LIMK2: variants seen among roughly 807,000 people sequenced by gnomAD.
LIMK2 encodes the protein LIM domain kinase 2.
Under a neutral mutation model 75.7 loss-of-function variants are expected in LIMK2, and 35 were observed. That is an observed-to-expected ratio of 0.46 (90% CI 0.35 to 0.61). The LOEUF (loss-of-function observed/expected upper bound fraction) is 0.61. Ranked by LOEUF, LIMK2 falls within the 20% of genes least tolerant of loss-of-function variation. The pLI, the probability that LIMK2 is intolerant of heterozygous loss-of-function variation, is 0.00. For missense variants in LIMK2, 623 were observed against 831.0 expected (o/e 0.75, Z 3.08); for synonymous variants, 301 against 319.2 (o/e 0.94, Z 0.61).
chr22:31,276,794 C>G (rs751005826), intron 15 of LIMK2: 3 of 1,608,734 alleles, frequency 1.9e-6, no homozygotes, highest in Admixed American at 1.7e-5. Context: ...TTCAGAGCCC[C>G]CCCCGGGGCC....
At chr22:31,249,103 CTG>C (rs1230662757) in intron 2 of LIMK2, among the ~76,000 whole-genome samples, 1 of 152,208 alleles carries the variant, frequency 6.6e-6, no homozygotes, top group Non-Finnish European at 1.5e-5. Flanking sequence ...AAATAGAGTG[CTG>C]TTTCCAGCTC....
intron 1 of LIMK2, among the ~76,000 whole-genome samples, chr22:31,217,305 G>A (rs1321028233): frequency 6.6e-6 from 1 of 151,962 alleles, no homozygotes; most frequent in Non-Finnish European, 1.5e-5. Context: ...GGCTGAGGCA[G>A]AGAATTGCTT....
chr22:31,255,837 ATTAG>A (rs1370218675), intron 2 of LIMK2, among the ~76,000 whole-genome samples: 1 of 152,148 alleles, frequency 6.6e-6, no homozygotes, highest in Non-Finnish European at 1.5e-5. Context: ...ATAGGATGCT[ATTAG>A]TTATTTTCAA....
At chr22:31,248,356 C>T in intron 2 of LIMK2, 4 of 1,258,360 alleles carry the variant, frequency 3.2e-6, no homozygotes, top group Admixed American at 2.8e-5. Context: ...AAGAAGAAGG[C>T]TAACTTGACA....
At chr22:31,222,370 C>G (rs1396815444) in intron 1 of LIMK2, among the ~76,000 whole-genome samples, 1 of 123,804 alleles carries the variant, frequency 8.1e-6, no homozygotes, top group Non-Finnish European at 1.7e-5. Flanking sequence ...CGTGCCCAGC[C>G]TCTTTTTTTT....
intron 2 of LIMK2, among the ~76,000 whole-genome samples, chr22:31,246,250 G>T (rs1399538804): frequency 1.2e-5 from 1 of 80,156 alleles, no homozygotes; most frequent in East Asian, 5.5e-4. Flanking sequence ...GTGGTCCCAG[G>T]ATGCACTGGA....
Position 31,262,518 on chromosome 22 carries a change from C to G in LIMK2, c.658-77C>G. On this transcript the variant is annotated intron_variant, in intron 6 of 15. Transcript: ENST00000331728. The surrounding 1 kb of genome is among the most constrained non-coding windows in gnomAD (Gnocchi z 5.0). ...CAAGTTGAGCACTGGCCACACTGTGCCTGAGTCATCTGGGTTGGCCATGGG... is the reference window on the plus strand; with the variant it reads ...CAAGTTGAGCACTGGCCACACTGTGGCTGAGTCATCTGGGTTGGCCATGGG... The G allele has an allele frequency of 7.1e-7, 1 of 1,403,294 alleles. No individual in the cohort carries two copies. Among genetic ancestry groups the G allele is most frequent in the South Asian group, 1.3e-5 (1 of 77,802 alleles). The allele number at this position is 1,403,294 out of a possible 1,614,324, so 86.9% of individuals were successfully genotyped here.
chr22:31,276,969 A>G (rs1222959480), intron 15 of LIMK2: 11 of 1,613,804 alleles, frequency 6.8e-6, no homozygotes, highest in Non-Finnish European at 9.3e-6. Context: ...AGGAGATCTC[A>G]GAACTAGAGA....
chr22:31,278,315 G>A lies in LIMK2; in HGVS notation c.1791G>A (p.Leu597=). The A allele has an allele frequency of 6.2e-7, 1 of 1,612,366 alleles. No homozygotes were observed. The highest frequency in any genetic ancestry group is 8.5e-7 in the Non-Finnish European group (1 of 1,179,358). Reference sequence around the variant, plus strand: ...CTTCTAGACCAGCATTCTCGAAATTGGAGGACTCCTTTGAGGCCCTCTCCC... The same window carrying A: ...CTTCTAGACCAGCATTCTCGAAATTAGAGGACTCCTTTGAGGCCCTCTCCC... ...EPESRPAFSK[L]EDSFEALSLY... Residue 597 remains leucine, a synonymous_variant, in exon 16 of 16, where the codon TTG becomes TTA. Coordinates refer to ENST00000331728, the MANE Select transcript of LIMK2 (RefSeq NM_005569.4).
At position 31,259,153 on chromosome 22, in the gene LIMK2, C is replaced by T. The variant is rs1413723794; in HGVS notation, c.285C>T (p.Cys95=). 4 of 1,613,686 alleles carry T rather than the reference C, an allele frequency of 2.5e-6. No homozygotes were observed. The South Asian group carries it at 4.4e-5, about 18-fold the overall frequency. The stretch of plus-strand genomic sequence containing the variant: ...GGGAGTTCAAGTACCACCCAGAGTG[C>T]TTTGCCTGTATGAGCTGCAAGGTGA... ...VAGEFKYHPE[C]FACMSCKVII... Residue 95 remains cysteine (C), a synonymous_variant, in exon 4 of 16, where the codon TGC becomes TGT. Transcript: ENST00000331728.
intron 1 of LIMK2, 113 bp downstream of exon 1, chr22:31,212,537 G>T: frequency 3.7e-6 from 4 of 1,079,130 alleles, no homozygotes; most frequent in Admixed American, 3.6e-5. Context: ...GGTCCTCGTG[G>T]GTCCGAGCTC....
intron 2 of LIMK2, chr22:31,248,743 T>C: frequency 6.2e-7 from 1 of 1,614,168 alleles, no homozygotes; most frequent in South Asian, 1.1e-5. Flanking sequence ...CAGTCCCGGC[T>C]TACTTCACCT....
At chr22:31,263,981 C>A (rs532732495) in intron 7 of LIMK2, among the ~76,000 whole-genome samples, 1 of 152,258 alleles carries the variant, frequency 6.6e-6, no homozygotes, top group South Asian at 2.1e-4. Flanking sequence ...CAGAGTGAGA[C>A]CTTGTCTCCA....
intron 2 of LIMK2, among the ~76,000 whole-genome samples, chr22:31,228,017 C>T (rs1332956202): frequency 4.7e-5 from 6 of 126,424 alleles, no homozygotes; most frequent in African/African-American, 1.5e-4. Context: ...TAGCTCTGTG[C>T]GTGCGTGTGT....
intron 12 of LIMK2, among the ~76,000 whole-genome samples, chr22:31,272,212 C>T (rs927799266): frequency 6.6e-6 from 1 of 151,774 alleles, no homozygotes; most frequent in Non-Finnish European, 1.5e-5. Context: ...AGGCGTGTGC[C>T]ACCACGCCCA....
intron 1 of LIMK2, among the ~76,000 whole-genome samples, chr22:31,213,499 A>G (rs1416431334): frequency 6.6e-6 from 1 of 152,186 alleles, no homozygotes; most frequent in Non-Finnish European, 1.5e-5. Context: ...TTCATCTTGA[A>G]TGCAAGGACT....
chr22:31,213,726 G>A (rs1050737893), intron 1 of LIMK2, among the ~76,000 whole-genome samples: 26 of 152,096 alleles, frequency 1.7e-4, no homozygotes, highest in African/African-American at 4.1e-4. Context: ...GCAATATAGC[G>A]AGACTTCATC....
At chr22:31,274,827 C>T (rs915179916) in intron 14 of LIMK2, among the ~76,000 whole-genome samples, 3 of 152,186 alleles carry the variant, frequency 2.0e-5, no homozygotes, top group African/African-American at 4.8e-5. Context: ...AGAGCCTTAA[C>T]TCTGGCACAC....
At chr22:31,265,897 C>G in intron 7 of LIMK2, 49 bp from the exon 8 acceptor site, 1 of 1,543,178 alleles carries the variant, frequency 6.5e-7, no homozygotes, top group Non-Finnish European at 8.9e-7. Context: ...GTTTCTTGGC[C>G]GGTCTCTGAG....
Sources: allele counts gnomAD v4.1 joint callset (sites outside exome capture counted in the v4.1 genomes callset), GRCh38; gene constraint gnomAD v4.1.1; non-coding constraint Gnocchi (gnomAD v3.1); transcripts MANE v1.5; gene names NCBI Gene and HGNC (gene_info 2026-07-23, HGNC 2026-07-21).